Variants in RAPGEF2 observed in about 807,000 individuals in gnomAD.
RAPGEF2 encodes PDZ domain containing guanine nucleotide exchange factor (GEF) 1.
A neutral mutation model predicts 186.7 loss-of-function variants in RAPGEF2; 54 were observed. The ratio of observed to expected loss-of-function variants is 0.29; its 90% CI spans 0.23 to 0.36. The LOEUF (loss-of-function observed/expected upper bound fraction) is 0.36. Among genes scored for constraint, RAPGEF2 ranks in the 10% least tolerant of loss-of-function variants. The probability of loss-of-function intolerance (pLI) is 1.00; values close to 1 mark genes in which losing one functional copy is unlikely to be tolerated. For missense variants in RAPGEF2, 1,532 were observed against 2,045.0 expected, an observed-to-expected ratio of 0.75 and a Z score of 4.84; for synonymous variants, 712 against 705.9, an observed-to-expected ratio of 1.01 and a Z score of -0.14.
chr4:159,124,719 A>T (rs964415084), intron 1 of RAPGEF2, among the ~76,000 whole-genome samples: 1 of 152,198 alleles, frequency 6.6e-6, no homozygotes, highest in Admixed American at 6.5e-5. Flanking sequence ...TTCTTCCTAA[A>T]TATAGCCAAG....
chr4:159,217,316 C>T (rs1232605190), intron 4 of RAPGEF2, among the ~76,000 whole-genome samples: 1 of 152,050 alleles, frequency 6.6e-6, no homozygotes, highest in Non-Finnish European at 1.5e-5. Context: ...CAATTCTTGC[C>T]CGCTTCCTTC....
At chr4:159,327,910 G>A (rs1435919239) in intron 11 of RAPGEF2, 3 of 149,936 alleles carry the variant, frequency 2.0e-5, no homozygotes, top group African/African-American at 4.9e-5. Context: ...TAGAATAAAT[G>A]CCAAAATGTC....
intron 7 of RAPGEF2, among the ~76,000 whole-genome samples, chr4:159,271,113 G>A (rs2110813931): frequency 1.3e-5 from 2 of 152,190 alleles, no homozygotes; most frequent in South Asian, 4.1e-4. Context: ...GAAATTGTTA[G>A]CATTAAAAGT....
At position 159,349,224 on chromosome 4, in the gene RAPGEF2, G is replaced by A. The variant is rs149712416; in HGVS notation, c.3713-913G>A. Among the ~76,000 whole-genome samples, 5 of 152,264 alleles carry A rather than the reference G, an allele frequency of 3.3e-5. No homozygotes were observed. In the East Asian group the frequency reaches 7.7e-4, roughly 23 times the overall value. ...GATTGTATTAAAACAATATCAGACT[G>A]CTTACATGAAGTGAAATGAAGGATT... On this transcript the variant is annotated intron_variant, in intron 25 of 29. Coordinates refer to ENST00000691494, the MANE Select transcript of RAPGEF2 (RefSeq NM_001394067.2).
intron 22 of RAPGEF2, 83 bp from the exon 23 acceptor site, chr4:159,343,953 T>TA (rs1242321679): frequency 7.0e-5 from 98 of 1,402,560 alleles, no homozygotes; most frequent in Non-Finnish European, 1.0e-6. Context: ...TATCCAGAAG[T>TA]CTAGTCCTTT....
At chr4:159,140,776 C>G (rs1244509667) in intron 1 of RAPGEF2, among the ~76,000 whole-genome samples, 1 of 150,872 alleles carries the variant, frequency 6.6e-6, no homozygotes, top group African/African-American at 2.4e-5. Flanking sequence ...CATGAAAGAT[C>G]GTATAAGCAA....
At chr4:159,157,720 G>C (rs1233050648) in intron 1 of RAPGEF2, among the ~76,000 whole-genome samples, 1 of 152,166 alleles carries the variant, frequency 6.6e-6, no homozygotes. Flanking sequence ...TATTGCCATG[G>C]TTTTCCTTGT....
At chr4:159,159,836 CATCCTTTTTCTTT>C (rs994071409) in intron 1 of RAPGEF2, among the ~76,000 whole-genome samples, 1 of 152,222 alleles carries the variant, frequency 6.6e-6, no homozygotes, top group Non-Finnish European at 1.5e-5. Context: ...GAAGCAGCTG[CATCCTTTTTCTTT>C]ATTTAGGAGG....
intron 7 of RAPGEF2, among the ~76,000 whole-genome samples, chr4:159,295,752 TG>T (rs1761912202): frequency 2.7e-5 from 3 of 111,790 alleles, no homozygotes; most frequent in Non-Finnish European, 3.9e-5. Flanking sequence ...TGTGTGTGTG[TG>T]TGCGCGCGCG....
At chr4:159,131,097 T>TGTGA (rs1293235700) in intron 1 of RAPGEF2, among the ~76,000 whole-genome samples, 7 of 148,114 alleles carry the variant, frequency 4.7e-5, no homozygotes, top group Admixed American at 4.1e-4. Flanking sequence ...TGTGTGTGTG[T>TGTGA]GAGAGAGAGA....
At chr4:159,238,450 A>G (rs567926903) in intron 4 of RAPGEF2, among the ~76,000 whole-genome samples, 5 of 152,332 alleles carry the variant, frequency 3.3e-5, no homozygotes, top group East Asian at 3.9e-4. Context: ...GGACATTTCT[A>G]TAGTTTGCCA....
At chr4:159,104,766 C>T (rs1228938188) in intron 1 of RAPGEF2, among the ~76,000 whole-genome samples, 1 of 152,090 alleles carries the variant, frequency 6.6e-6, no homozygotes, top group Non-Finnish European at 1.5e-5. Flanking sequence ...GAAACCTGTA[C>T]GGTTGTGCTA....
intron 1 of RAPGEF2, among the ~76,000 whole-genome samples, chr4:159,155,883 GTTCTAAATATTTGCTTAT>G (rs1016964135): frequency 2.0e-5 from 3 of 151,710 alleles, no homozygotes; most frequent in Admixed American, 6.6e-5. Flanking sequence ...TTAGTGTTGA[GTTCTAAATATTTGCTTAT>G]TTCTATTATA....
chr4:159,325,862 C>G (rs1765856283), intron 11 of RAPGEF2, among the ~76,000 whole-genome samples: 1 of 152,042 alleles, frequency 6.6e-6, no homozygotes, highest in South Asian at 2.1e-4. Context: ...AATTTATTTA[C>G]AAAGTGAGGG....
intron 24 of RAPGEF2, among the ~76,000 whole-genome samples, chr4:159,345,868 A>T (rs1392031422): frequency 3.8e-4 from 57 of 151,700 alleles, no homozygotes; most frequent in African/African-American, 1.3e-3. Context: ...TTTTTTTCTA[A>T]ATCTGCATCT....
chr4:159,183,334 C>G (rs900775545), intron 1 of RAPGEF2, among the ~76,000 whole-genome samples: 3 of 152,160 alleles, frequency 2.0e-5, no homozygotes, highest in African/African-American at 7.2e-5. Flanking sequence ...AATAGTCTTT[C>G]CAACAGAGGG....
At chr4:159,342,860 C>T (rs1186669890) in intron 20 of RAPGEF2, 119 bp from the exon 21 acceptor site, 1 of 909,314 alleles carries the variant, frequency 1.1e-6, no homozygotes, top group Non-Finnish European at 1.6e-6. Flanking sequence ...GTTTCTTATG[C>T]AGCCTTCTGT....
At chr4:159,111,434 G>GTTGT (rs1454457819) in intron 1 of RAPGEF2, among the ~76,000 whole-genome samples, 1 of 152,212 alleles carries the variant, frequency 6.6e-6, no homozygotes, top group East Asian at 1.9e-4. Context: ...ACATTTCGCT[G>GTTGT]CCATTTGCAG....
At chr4:159,124,191 C>G (rs1295838141) in intron 1 of RAPGEF2, among the ~76,000 whole-genome samples, 1 of 144,786 alleles carries the variant, frequency 6.9e-6, no homozygotes, top group Admixed American at 6.7e-5. Flanking sequence ...GTTTTTCTTT[C>G]TCAATTGTCT....
Sources: allele counts gnomAD v4.1 joint callset (sites outside exome capture counted in the v4.1 genomes callset), GRCh38; gene constraint gnomAD v4.1.1; transcripts MANE v1.5; gene names NCBI Gene and HGNC (gene_info 2026-07-23, HGNC 2026-07-21).